DDOST: variants seen among roughly 807,000 people sequenced by gnomAD.
DDOST encodes dolichyl-diphosphooligosaccharide--protein glycosyltransferase non-catalytic subunit, also known as dolichyl-diphosphooligosaccharide--protein glycosyltransferase 48 kDa subunit.
In DDOST, 25 loss-of-function variants were observed where a neutral mutation model predicts 47.6. The observed-to-expected ratio is 0.53, with a 90% confidence interval of 0.38 to 0.73. The LOEUF (loss-of-function observed/expected upper bound fraction) is 0.73. DDOST is among the 30% of genes least tolerant of loss of function. DDOST has a pLI of 0.00. For synonymous variants in DDOST, 275 were observed against 236.0 expected (o/e 1.17, Z -1.51); for missense variants, 526 against 573.9 (o/e 0.92, Z 0.85).
rs1557574940 is a variant in DDOST at position 20,661,277 on chromosome 1, G to A, written c.74C>T (p.Ala25Val). Reference protein sequence around the residue: ...LLLPLLGAVCASGPRTLVLLD... With the variant: ...LLLPLLGAVCVSGPRTLVLLD... ...CAGCACTAAGGTGCGGGGTCCGCTG[G>A]CGCAAACCGCGCCAAGCAAGGGCAG... The change falls in exon 1 of 11, where the codon GCC becomes GTC. Residue 25 changes from alanine to valine, a missense_variant. Transcript: ENST00000602624. The A allele has an allele frequency of 1.9e-6, 3 of 1,613,898 alleles. No homozygotes were observed. The highest frequency in any genetic ancestry group is 2.2e-5 in the East Asian group (1 of 44,850).
In DDOST at chr1:20,656,207, A is replaced by C; in HGVS notation, c.266-20T>G. 1 of 1,605,244 alleles carries C rather than the reference A, an allele frequency of 6.2e-7. No individual in the cohort carries two copies. The highest frequency in any genetic ancestry group is 2.2e-5 in the East Asian group (1 of 44,834). ...CAAAATCTGAAAGCAGGCACCAGAC[A>C]CAGTGACCCAGAGGTCTCCTCTCCC... is the stretch of plus-strand genomic sequence containing the variant. On this transcript the variant is annotated intron_variant, in intron 2 of 10. Transcript: ENST00000602624.
chr1:20,654,091 A>G, intron 7 of DDOST, 132 bp downstream of exon 7: 1 of 1,136,952 alleles, frequency 8.8e-7, no homozygotes, highest in Non-Finnish European at 1.2e-6. Flanking sequence ...CCCTGAAATA[A>G]TCTGACAGCA....
In DDOST at chr1:20,652,369, C is replaced by A; in HGVS notation, c.*10G>T. On this transcript the variant is annotated 3_prime_UTR_variant, in exon 11 of 11. Transcript: ENST00000602624. ...CCGTCTCCACGCTGTGCGGAGAGGGCTCTAGCCCCTCAGTCGGACTTCTCC... is the reference window on the plus strand; with the variant it reads ...CCGTCTCCACGCTGTGCGGAGAGGGATCTAGCCCCTCAGTCGGACTTCTCC... 6.2e-7 allele frequency: 1 copy of A among 1,606,228 alleles called. No individual in the cohort carries two copies. Among genetic ancestry groups the A allele is most frequent in the Admixed American group, 1.7e-5 (1 of 58,940 alleles).
chr1:20,652,175 A>ACTT lies in DDOST; in HGVS notation c.*201_*203dup, dbSNP rs1389013744. ...AGTGACTGCACATAGGAAAAATGCCACTTTTAGCAATTCAAAGTGGAAAAA... is the reference window on the plus strand; with the variant it reads ...AGTGACTGCACATAGGAAAAATGCCACTTCTTTTAGCAATTCAAAGTGGAAAAA... On this transcript the variant is annotated 3_prime_UTR_variant, in exon 11 of 11. Transcript: ENST00000602624. 1 of 511,218 alleles carries ACTT rather than the reference A, an allele frequency of 2.0e-6. No homozygotes were observed. Among genetic ancestry groups the ACTT allele is most frequent in the Non-Finnish European group, 3.3e-6 (1 of 300,470 alleles). 31.7% of individuals were successfully genotyped at this position (511,218 alleles called of 1,614,324 possible).
intron 2 of DDOST, among the ~76,000 whole-genome samples, chr1:20,657,201 T>C (rs1275820227): frequency 6.6e-6 from 1 of 152,160 alleles, no homozygotes; most frequent in African/African-American, 2.4e-5. Flanking sequence ...CAGTGTGGCT[T>C]AGCTGGAGAG....
Position 20,652,409 on chromosome 1 carries a change from CA to C in DDOST, c.1289del (p.Leu430CysfsTer3). 1 of 1,613,662 alleles carries C rather than the reference CA, an allele frequency of 6.2e-7. No homozygotes were observed. The highest frequency in any genetic ancestry group is 8.5e-7 in the Non-Finnish European group (1 of 1,179,848). On this transcript the variant is annotated frameshift_variant, in exon 11 of 11. Coordinates refer to ENST00000602624, the MANE Select transcript of DDOST (RefSeq NM_005216.5). LOFTEE classifies it high-confidence loss of function. ...CGGACTTCTCCTTCTCCTTCATGTG[CA>C]AGAAGACGATGCTGAAGATGAAGAG... ...LGLFIFSIVF[L>X]HMKEKEKSD
intron 4 of DDOST, 64 bp from the exon 5 acceptor site, chr1:20,655,598 C>T: frequency 2.5e-6 from 4 of 1,590,210 alleles, no homozygotes; most frequent in Non-Finnish European, 3.5e-6. Context: ...GGAGAACCTC[C>T]TCACACCCTC....
chr1:20,655,574 G>T, intron 4 of DDOST, 40 bp from the exon 5 acceptor site: 5 of 1,604,626 alleles, frequency 3.1e-6, no homozygotes, highest in Non-Finnish European at 4.3e-6. Context: ...TCAGGAAAAG[G>T]TTCCCCAAGC....
chr1:20,653,865 T>A, intron 7 of DDOST, 91 bp from the exon 8 acceptor site: 1 of 1,466,420 alleles, frequency 6.8e-7, no homozygotes, highest in Non-Finnish European at 9.2e-7. Flanking sequence ...ACCATGACAG[T>A]ACCCTAGCGA....
chr1:20,661,027 G>A (rs1388313344), intron 1 of DDOST, 36 bp from the exon 2 acceptor site: 2 of 1,541,988 alleles, frequency 1.3e-6, no homozygotes, highest in Non-Finnish European at 9.0e-7. Flanking sequence ...AGGAAGACGG[G>A]ACGCGAAGGG....
rs931693537 is a variant in DDOST at position 20,652,176 on chromosome 1, C to T, written c.*203G>A. On this transcript the variant is annotated 3_prime_UTR_variant, in exon 11 of 11. Transcript: ENST00000602624. ...GTGACTGCACATAGGAAAAATGCCA[C>T]TTTTAGCAATTCAAAGTGGAAAAAC... The T allele has an allele frequency of 3.9e-6, 2 of 515,510 alleles. No homozygotes were observed. The highest frequency in any genetic ancestry group is 6.6e-6 in the Non-Finnish European group (2 of 304,056). 31.9% of individuals were successfully genotyped at this position (515,510 alleles called of 1,614,324 possible). A position where few individuals can be genotyped will look rare whatever the true frequency, so the allele number is the denominator to read the frequency against.
At chr1:20,654,808 C>A in intron 5 of DDOST, 101 bp from the exon 6 acceptor site, 2 of 762,332 alleles carry the variant, frequency 2.6e-6, no homozygotes, top group Non-Finnish European at 4.5e-6. Flanking sequence ...ATCCTTTTTT[C>A]TTAATTGCCA....
At chr1:20,661,115 G>A in intron 1 of DDOST, 82 bp downstream of exon 1, 2 of 1,522,644 alleles carry the variant, frequency 1.3e-6, no homozygotes, top group Non-Finnish European at 1.8e-6. Context: ...AGGAAAGGGA[G>A]AGGGAAGGAG....
At chr1:20,659,258 T>G (rs1457214036) in intron 2 of DDOST, among the ~76,000 whole-genome samples, 1 of 152,102 alleles carries the variant, frequency 6.6e-6, no homozygotes. Flanking sequence ...GAAGGACGTG[T>G]GCAAATGACT....
chr1:20,653,125 TCAGTA>T, intron 8 of DDOST, 154 bp from the exon 9 acceptor site: 1 of 797,350 alleles, frequency 1.3e-6, no homozygotes, highest in South Asian at 1.7e-5. Context: ...CCGGCCCTGA[TCAGTA>T]ACCAGTCTCT....
Position 20,652,891 on chromosome 1 carries a change from G to C in DDOST, c.1023C>G (p.Val341=), listed in dbSNP as rs1057271999. 1.2e-6 allele frequency: 2 copies of C among 1,614,072 alleles called. No homozygotes were observed. Among genetic ancestry groups the C allele is most frequent in the Non-Finnish European group, 1.7e-6 (2 of 1,180,046 alleles). The change falls in exon 9 of 11, where the codon GTC becomes GTG. Residue 341 remains valine, a synonymous_variant. Transcript: ENST00000602624. ...FDGDDIQLEF[V]RIDPFVRTFL... is the part of the protein sequence containing the mutation. Reference sequence around the variant, plus strand: ...AGGTCCTCACAAAAGGATCAATGCGGACAAACTCCAGCTGAATGTCATCGC... The same window carrying C: ...AGGTCCTCACAAAAGGATCAATGCGCACAAACTCCAGCTGAATGTCATCGC...
chr1:20,654,765 G>C (rs780801055), intron 5 of DDOST, 58 bp from the exon 6 acceptor site: 1 of 1,163,128 alleles, frequency 8.6e-7, no homozygotes, highest in South Asian at 1.3e-5. Flanking sequence ...CAAGGACATG[G>C]GATCCCCGAG....
Position 20,652,362 on chromosome 1 carries a change from G to A in DDOST, c.*17C>T, listed in dbSNP as rs1057523708. 6.2e-7 allele frequency: 1 copy of A among 1,600,870 alleles called. No homozygotes were observed. The highest frequency in any genetic ancestry group is 1.3e-5 in the African/African-American group (1 of 74,410). Reference sequence around the variant, plus strand: ...CCTTGCCCCGTCTCCACGCTGTGCGGAGAGGGCTCTAGCCCCTCAGTCGGA... The same window carrying A: ...CCTTGCCCCGTCTCCACGCTGTGCGAAGAGGGCTCTAGCCCCTCAGTCGGA... On this transcript the variant is annotated 3_prime_UTR_variant, in exon 11 of 11. Transcript: ENST00000602624.
At chr1:20,656,343 T>A (rs1489385823) in intron 2 of DDOST, among the ~76,000 whole-genome samples, 156 bp from the exon 3 acceptor site, 1 of 151,966 alleles carries the variant, frequency 6.6e-6, no homozygotes, top group East Asian at 1.9e-4. Flanking sequence ...CCACACCACA[T>A]CCCAGAACGG....
Sources: gnomAD v4.1 joint callset for allele counts (sites outside exome capture counted in the v4.1 genomes callset) on GRCh38, gnomAD v4.1.1 for gene constraint, MANE v1.5 for transcripts, NCBI Gene and HGNC (gene_info 2026-07-23, HGNC 2026-07-21) for gene names.